CFAP20DC: variants seen among roughly 807,000 people sequenced by gnomAD.
CFAP20DC encodes protein CFAP20DC.
Under a neutral mutation model 101.7 loss-of-function variants are expected in CFAP20DC, and 84 were observed. That is an observed-to-expected ratio of 0.83 (90% CI 0.69 to 0.99). The LOEUF (loss-of-function observed/expected upper bound fraction) is 0.99. Among genes scored for constraint, CFAP20DC ranks in the 50% least tolerant of loss-of-function variants. The pLI, the probability that CFAP20DC is intolerant of heterozygous loss-of-function variation, is 0.00. For missense variants in CFAP20DC, 1,007 were observed against 970.3 expected, an observed-to-expected ratio of 1.04 and a Z score of -0.50; for synonymous variants, 359 against 351.2, an observed-to-expected ratio of 1.02 and a Z score of -0.25.
At chr3:59,038,246 G>A (rs568520396) in intron 4 of CFAP20DC, among the ~76,000 whole-genome samples, 4 of 152,124 alleles carry the variant, frequency 2.6e-5, no homozygotes, top group South Asian at 2.1e-4. Context: ...AAACCTGCAC[G>A]TTCTGCACAT....
chr3:58,970,972 G>A lies in CFAP20DC; in HGVS notation c.279-33210C>T, dbSNP rs538116182. Among the ~76,000 whole-genome samples the A allele has an allele frequency of 5.3e-4, 81 of 152,154 alleles. No homozygotes were observed. The South Asian group carries it at 0.01, about 19-fold the overall frequency. On this transcript the variant is annotated intron_variant, in intron 4 of 16. Coordinates refer to ENST00000482387, the MANE Select transcript of CFAP20DC (RefSeq NM_001394063.1). The stretch of plus-strand genomic sequence containing the variant: ...CTTATTTAAAAAATAACCATCTCTA[G>A]CATAAAAGTGAGAATTCAAATTATA...
chr3:59,034,169 C>T (rs1272867344), intron 4 of CFAP20DC, among the ~76,000 whole-genome samples: 1 of 152,186 alleles, frequency 6.6e-6, no homozygotes, highest in African/African-American at 2.4e-5. Flanking sequence ...ACCACAAGGC[C>T]TGCCTTACAA....
intron 3 of CFAP20DC, among the ~76,000 whole-genome samples, chr3:58,731,630 C>T (rs962214994): frequency 1.3e-5 from 2 of 152,174 alleles, no homozygotes; most frequent in Admixed American, 1.3e-4. Context: ...AAGAAGAATG[C>T]TGCTAATATG....
intron 4 of CFAP20DC, among the ~76,000 whole-genome samples, chr3:59,008,944 T>C (rs1299206695): frequency 6.6e-6 from 1 of 151,190 alleles, no homozygotes; most frequent in Non-Finnish European, 1.5e-5. Flanking sequence ...CTTCAAGAGA[T>C]CCCTGCCATT....
chr3:58,772,722 C>T (rs2070958394), intron 15 of CFAP20DC, among the ~76,000 whole-genome samples: 2 of 152,248 alleles, frequency 1.3e-5, no homozygotes, highest in Admixed American at 6.5e-5. Flanking sequence ...AATTATGGTA[C>T]ACCCAAACAA....
intron 6 of CFAP20DC, among the ~76,000 whole-genome samples, chr3:58,902,778 C>T (rs1369097106): frequency 6.6e-6 from 1 of 152,200 alleles, no homozygotes. Flanking sequence ...AACCTATGCA[C>T]ATCTTCCAGT....
chr3:58,996,398 C>T (rs946187050), intron 4 of CFAP20DC, among the ~76,000 whole-genome samples: 4 of 152,264 alleles, frequency 2.6e-5, no homozygotes, highest in South Asian at 2.1e-4. Context: ...ATATTTAAAA[C>T]CTTTACCAAA....
At chr3:58,992,442 T>C (rs1211841097) in intron 4 of CFAP20DC, 1 of 411,428 alleles carries the variant, frequency 2.4e-6, no homozygotes, top group African/African-American at 2.2e-5. Context: ...TGGCACTATG[T>C]ACAGTCAGTT....
intron 13 of CFAP20DC, among the ~76,000 whole-genome samples, chr3:58,840,701 C>T (rs1359481188): frequency 6.6e-6 from 1 of 152,168 alleles, no homozygotes; most frequent in Admixed American, 6.5e-5. Flanking sequence ...AGAATGCCAG[C>T]CATACTGGTT....
chr3:58,717,632 C>T lies in CFAP20DC; in HGVS notation c.198-4G>A, dbSNP rs2107036385. 2.2e-6 allele frequency: 1 copy of T among 447,182 alleles called. No individual in the cohort carries two copies. The highest frequency in any genetic ancestry group is 7.0e-5 in the East Asian group (1 of 14,210). The allele number at this position is 447,182 out of a possible 1,614,324, so 27.7% of individuals were successfully genotyped here. A position where few individuals can be genotyped will look rare whatever the true frequency, so the allele number is the denominator to read the frequency against. ...GTAGCACTTCCAGACATTTCTTCTGCATTTCAGGTAGGAGAAGAGAGAAGA... is the reference window on the plus strand; with the variant it reads ...GTAGCACTTCCAGACATTTCTTCTGTATTTCAGGTAGGAGAAGAGAGAAGA... On this transcript the variant is annotated splice_polypyrimidine_tract_variant and splice_region_variant and intron_variant, in intron 3 of 3. Coordinates refer to the CFAP20DC transcript ENST00000486145. This position sits in a 1 kb window ranked among gnomAD's most constrained non-coding sequence, Gnocchi z 4.1.
intron 15 of CFAP20DC, among the ~76,000 whole-genome samples, chr3:58,774,962 C>T (rs1454062238): frequency 6.6e-6 from 1 of 152,154 alleles, no homozygotes; most frequent in Non-Finnish European, 1.5e-5. Context: ...TTAGTAAAAG[C>T]ACAAATAAAT....
chr3:58,975,997 C>A (rs2092256847), intron 4 of CFAP20DC, among the ~76,000 whole-genome samples: 1 of 152,120 alleles, frequency 6.6e-6, no homozygotes. Flanking sequence ...AAGAGGAGCA[C>A]CAGGTAATGC....
intron 4 of CFAP20DC, among the ~76,000 whole-genome samples, chr3:58,980,686 G>A (rs2108495122): frequency 6.6e-6 from 1 of 152,222 alleles, no homozygotes; most frequent in East Asian, 1.9e-4. Flanking sequence ...CAATAAATTA[G>A]GTATTGATGG....
chr3:58,984,181 C>G (rs1293428495), intron 4 of CFAP20DC, among the ~76,000 whole-genome samples: 1 of 152,154 alleles, frequency 6.6e-6, no homozygotes, highest in Non-Finnish European at 1.5e-5. Flanking sequence ...ATTAAATTTT[C>G]TCTACTTAGA....
At chr3:58,762,947 C>T (rs965265248) in intron 15 of CFAP20DC, among the ~76,000 whole-genome samples, 32 of 152,198 alleles carry the variant, frequency 2.1e-4, no homozygotes, top group Admixed American at 7.2e-4. Flanking sequence ...CTAACCTGAC[C>T]TTTCTCTCTG....
chr3:58,999,685 G>A (rs981218652), intron 4 of CFAP20DC, among the ~76,000 whole-genome samples: 1 of 151,998 alleles, frequency 6.6e-6, no homozygotes, highest in Non-Finnish European at 1.5e-5. Context: ...GATTGTACCT[G>A]GTGGTAGTTG....
intron 12 of CFAP20DC, among the ~76,000 whole-genome samples, chr3:58,851,670 T>G (rs2078241869): frequency 6.6e-6 from 1 of 152,160 alleles, no homozygotes; most frequent in Non-Finnish European, 1.5e-5. Context: ...TGTCAGCCAT[T>G]TAGTCCATCC....
chr3:58,854,441 C>T (rs1054155416), intron 12 of CFAP20DC, among the ~76,000 whole-genome samples: 5 of 151,672 alleles, frequency 3.3e-5, no homozygotes, highest in African/African-American at 1.2e-4. Context: ...ATGCCATCCC[C>T]ATCAAGCTAC....
At chr3:58,800,442 G>T (rs2073606482) in intron 15 of CFAP20DC, among the ~76,000 whole-genome samples, 1 of 152,226 alleles carries the variant, frequency 6.6e-6, no homozygotes, top group Admixed American at 6.5e-5. Flanking sequence ...TTAAGCAAAG[G>T]TGGAGAGGGG....
Sources: allele counts gnomAD v4.1 joint callset (sites outside exome capture counted in the v4.1 genomes callset), GRCh38; gene constraint gnomAD v4.1.1; non-coding constraint Gnocchi (gnomAD v3.1); transcripts MANE v1.5; gene names NCBI Gene and HGNC (gene_info 2026-07-23, HGNC 2026-07-21).